CNTNAP2: variants seen among roughly 807,000 people sequenced by gnomAD.
CNTNAP2 encodes contactin-associated protein-like 2.
CNTNAP2 carries 98 observed loss-of-function variants against 155.2 expected under a neutral mutation model. That is an observed-to-expected ratio of 0.63 (90% confidence interval 0.54 to 0.75). The LOEUF is 0.75. Ranked by LOEUF, CNTNAP2 falls within the 30% of genes least tolerant of loss-of-function variation. The pLI, the probability that CNTNAP2 is intolerant of heterozygous loss-of-function variation, is 0.00. For synonymous variants in CNTNAP2, 651 were observed against 631.2 expected (o/e 1.03, Z -0.47); for missense variants, 1,727 against 1,688.1 (o/e 1.02, Z -0.40).
chr7:148,222,104 C>A (rs4291186), intron 19 of CNTNAP2, among the ~76,000 whole-genome samples: 27,404 of 152,010 alleles, frequency 0.18, 2,697 homozygotes, highest in East Asian at 0.36. Flanking sequence ...GTAGGACAGC[C>A]GTGGGCTTCA....
intron 9 of CNTNAP2, among the ~76,000 whole-genome samples, chr7:147,307,665 GTAAT>G (rs977002809): frequency 6.6e-6 from 1 of 152,090 alleles, no homozygotes; most frequent in African/African-American, 2.4e-5. Flanking sequence ...AACTCAAACT[GTAAT>G]TAGATTAATG....
At chr7:148,328,028 C>G (rs182822306) in intron 21 of CNTNAP2, among the ~76,000 whole-genome samples, 10 of 152,280 alleles carry the variant, frequency 6.6e-5, no homozygotes, top group Middle Eastern at 3.4e-3. Flanking sequence ...CTCCCAGAAC[C>G]CTGACTTCCA....
At chr7:146,663,898 A>T (rs2129166568) in intron 1 of CNTNAP2, among the ~76,000 whole-genome samples, 1 of 151,962 alleles carries the variant, frequency 6.6e-6, no homozygotes, top group African/African-American at 2.4e-5. Context: ...ATTGATTAGG[A>T]CCTCTAGGTG....
intron 20 of CNTNAP2, among the ~76,000 whole-genome samples, chr7:148,230,763 C>T (rs1231737735): frequency 6.6e-6 from 1 of 152,174 alleles, no homozygotes; most frequent in African/African-American, 2.4e-5. Flanking sequence ...AGGAAACTGA[C>T]ATGCACTGTT....
chr7:146,297,997 A>G (rs913548542), intron 1 of CNTNAP2, among the ~76,000 whole-genome samples: 59 of 152,238 alleles, frequency 3.9e-4, no homozygotes, highest in African/African-American at 1.3e-3. Flanking sequence ...GACACTTACT[A>G]TAAAACGTGA....
chr7:147,707,830 C>T lies in CNTNAP2; in HGVS notation c.2098+68524C>T, dbSNP rs373817828. Among the ~76,000 whole-genome samples, 7 of 152,140 alleles carry T rather than the reference C, an allele frequency of 4.6e-5. No homozygotes were observed. The East Asian group carries it at 5.8e-4, about 13-fold the overall frequency. On this transcript the variant is annotated intron_variant, in intron 13 of 23. Coordinates refer to ENST00000361727, the MANE Select transcript of CNTNAP2 (RefSeq NM_014141.6). ...TCCAGTCCCACCTGTGGTATGTGTA[C>T]GTGGGTACCCAGTATGGTGATTGCA...
At chr7:148,138,950 A>G (rs1336231726) in intron 16 of CNTNAP2, among the ~76,000 whole-genome samples, 1 of 152,242 alleles carries the variant, frequency 6.6e-6, no homozygotes, top group Non-Finnish European at 1.5e-5. Flanking sequence ...AACTAAAATT[A>G]GAAGAGCTTT....
At chr7:148,119,203 C>G (rs1804544856) in intron 16 of CNTNAP2, among the ~76,000 whole-genome samples, 1 of 152,060 alleles carries the variant, frequency 6.6e-6, no homozygotes, top group African/African-American at 2.4e-5. Flanking sequence ...TTTACAAAAC[C>G]TCAGCCTTAC....
intron 2 of CNTNAP2, among the ~76,000 whole-genome samples, chr7:146,829,662 G>A (rs895903645): frequency 1.3e-5 from 2 of 151,958 alleles, no homozygotes; most frequent in Admixed American, 6.6e-5. Context: ...CTTTTAGAAT[G>A]TGTGATGTTA....
intron 13 of CNTNAP2, among the ~76,000 whole-genome samples, chr7:147,716,126 C>T (rs1217425774): frequency 1.3e-5 from 2 of 152,126 alleles, no homozygotes; most frequent in Non-Finnish European, 2.9e-5. Flanking sequence ...GTTTAAGTAA[C>T]ATAATATAGC....
intron 1 of CNTNAP2, among the ~76,000 whole-genome samples, chr7:146,469,220 C>T (rs1423351712): frequency 6.6e-6 from 1 of 152,060 alleles, no homozygotes; most frequent in Non-Finnish European, 1.5e-5. Flanking sequence ...GGGTCAAGCC[C>T]ACATCACAGC....
At chr7:146,202,051 A>G (rs1027077591) in intron 1 of CNTNAP2, among the ~76,000 whole-genome samples, 21 of 152,152 alleles carry the variant, frequency 1.4e-4, no homozygotes, top group African/African-American at 4.8e-4. Context: ...TGAGATTCTC[A>G]TTTGTATATA....
intron 9 of CNTNAP2, among the ~76,000 whole-genome samples, chr7:147,322,438 A>C (rs1002596438): frequency 1.3e-5 from 2 of 152,220 alleles, no homozygotes; most frequent in African/African-American, 4.8e-5. Context: ...TTCAATATTT[A>C]TTCCCTCCGT....
chr7:146,353,848 G>A (rs1166551893), intron 1 of CNTNAP2, among the ~76,000 whole-genome samples: 2 of 151,940 alleles, frequency 1.3e-5, no homozygotes, highest in Non-Finnish European at 2.9e-5. Context: ...TGATCTGTAT[G>A]AATAAGATAA....
At chr7:146,633,052 A>G (rs953946912) in intron 1 of CNTNAP2, among the ~76,000 whole-genome samples, 1 of 152,132 alleles carries the variant, frequency 6.6e-6, no homozygotes, top group African/African-American at 2.4e-5. Flanking sequence ...AGAACTGTCT[A>G]CTTTTTTCTT....
At chr7:147,052,542 T>A (rs1799491981) in intron 4 of CNTNAP2, among the ~76,000 whole-genome samples, 1 of 152,074 alleles carries the variant, frequency 6.6e-6, no homozygotes, top group Non-Finnish European at 1.5e-5. Context: ...ATTACCAAAC[T>A]AAATATAATA....
At position 147,184,598 on chromosome 7, in the gene CNTNAP2, C is replaced by G. The variant is rs114514993; in HGVS notation, c.1348+52089C>G. On this transcript the variant is annotated intron_variant, in intron 8 of 23. Transcript: ENST00000361727. Reference sequence around the variant, plus strand: ...GACTAGTAGCATCAGGTGCAGAATTCCAATCATCTCCTGGCTTGTAGAAAT... The same window carrying G: ...GACTAGTAGCATCAGGTGCAGAATTGCAATCATCTCCTGGCTTGTAGAAAT... Among the ~76,000 whole-genome samples, 492 of 152,174 alleles carry G rather than the reference C, an allele frequency of 3.2e-3. 6 individuals are homozygous for G. Among genetic ancestry groups the G allele is most frequent in the African/African-American group, 0.011 (445 of 41,510 alleles).
chr7:146,485,796 C>CA (rs935017055), intron 1 of CNTNAP2, among the ~76,000 whole-genome samples: 10 of 151,326 alleles, frequency 6.6e-5, no homozygotes, highest in East Asian at 2.0e-4. Context: ...ATAATCTGTA[C>CA]AAAAAAAACC....
At chr7:148,202,628 G>GA (rs1421282357) in intron 18 of CNTNAP2, among the ~76,000 whole-genome samples, 3 of 152,158 alleles carry the variant, frequency 2.0e-5, no homozygotes, top group Non-Finnish European at 4.4e-5. Flanking sequence ...CTGATACAGG[G>GA]AAAAAATATT....
Sources: gnomAD v4.1 joint callset for allele counts (sites outside exome capture counted in the v4.1 genomes callset) on GRCh38, gnomAD v4.1.1 for gene constraint, MANE v1.5 for transcripts, NCBI Gene and HGNC (gene_info 2026-07-23, HGNC 2026-07-21) for gene names.